The following CCDC102B variants were observed in gnomAD, a reference collection of about 807,000 sequenced individuals.
CCDC102B encodes the protein coiled-coil domain-containing protein 102B.
In CCDC102B, 75 loss-of-function variants were observed where a neutral mutation model predicts 57.4. The ratio of observed to expected loss-of-function variants is 1.31; its 90% CI spans 1.08 to 1.58. The LOEUF (loss-of-function observed/expected upper bound fraction) is 1.58, where lower values mean the gene tolerates loss of function less well. Ranked by LOEUF, CCDC102B falls within the 40% of genes most tolerant of loss-of-function variation. The pLI is 0.00. For synonymous variants in CCDC102B, 206 were observed against 201.9 expected, an observed-to-expected ratio of 1.02 and a Z score of -0.17; for missense variants, 636 against 582.6, an observed-to-expected ratio of 1.09 and a Z score of -0.94.
intron 7 of CCDC102B, among the ~76,000 whole-genome samples, chr18:69,034,234 T>C (rs1257951214): frequency 6.6e-6 from 1 of 152,026 alleles, no homozygotes; most frequent in African/African-American, 2.4e-5. Flanking sequence ...GTCCAGTTTG[T>C]TTATTTTTTC....
At chr18:68,981,395 G>A (rs1198727672) in intron 6 of CCDC102B, among the ~76,000 whole-genome samples, 1 of 151,988 alleles carries the variant, frequency 6.6e-6, no homozygotes, top group East Asian at 1.9e-4. Flanking sequence ...TGAGGCATAA[G>A]GGACAGGACG....
At chr18:69,051,255 CT>C (rs1259811057) in intron 7 of CCDC102B, among the ~76,000 whole-genome samples, 1 of 151,954 alleles carries the variant, frequency 6.6e-6, no homozygotes, top group African/African-American at 2.4e-5. Context: ...GGAAAAATAA[CT>C]TTAAAGTATT....
intron 1 of CCDC102B, among the ~76,000 whole-genome samples, chr18:68,825,588 G>T (rs2144751263): frequency 6.6e-6 from 1 of 152,166 alleles, no homozygotes; most frequent in South Asian, 2.1e-4. Context: ...TACTCATGAG[G>T]CTGAGGCAGG....
In CCDC102B at chr18:68,774,805, A is replaced by G. The variant is rs144552506; in HGVS notation, c.-66-48561A>G. 3.2e-3 allele frequency among the ~76,000 whole-genome samples: 480 copies of G among 151,778 alleles called. 2 individuals carry two copies. Among genetic ancestry groups the G allele is most frequent in the African/African-American group, 0.011 (454 of 41,504 alleles). ...AATCAAAATTTAACTTCTATTCTTT[A>G]CTCTTCATTTAATAATCCTAATAGT... is the stretch of plus-strand genomic sequence containing the variant. On this transcript the variant is annotated intron_variant, in intron 2 of 3. Coordinates refer to the CCDC102B transcript ENST00000578970.
chr18:68,968,807 A>T (rs2050225892), intron 6 of CCDC102B, among the ~76,000 whole-genome samples: 1 of 152,130 alleles, frequency 6.6e-6, no homozygotes, highest in African/African-American at 2.4e-5. Context: ...TATTCTCATG[A>T]CGGACAGATT....
At chr18:68,949,132 A>C (rs2049624121) in intron 6 of CCDC102B, among the ~76,000 whole-genome samples, 1 of 152,094 alleles carries the variant, frequency 6.6e-6, no homozygotes, top group Admixed American at 6.6e-5. Context: ...GCAGTGGATT[A>C]GATGGTGCTC....
chr18:68,752,453 G>T (rs1216690822), intron 2 of CCDC102B, among the ~76,000 whole-genome samples: 3 of 122,312 alleles, frequency 2.5e-5, no homozygotes, highest in Non-Finnish European at 3.5e-5. Context: ...AATAAATAAA[G>T]AAAAAAGAAA....
chr18:68,788,971 T>A (rs1599462217), intron 2 of CCDC102B, among the ~76,000 whole-genome samples: 1 of 152,346 alleles, frequency 6.6e-6, no homozygotes, highest in African/African-American at 2.4e-5. Flanking sequence ...CTGGTACTGG[T>A]TGTTCCTTTC....
chr18:68,754,943 C>T (rs2033993768), intron 2 of CCDC102B: 1 of 152,456 alleles, frequency 6.6e-6, no homozygotes, highest in Non-Finnish European at 1.5e-5. Flanking sequence ...ACTGACTCTG[C>T]TAATATTTGG....
rs574691001 is a variant in CCDC102B at position 69,040,987 on chromosome 18, G to C, written c.1435-13043G>C. 2.6e-5 allele frequency among the ~76,000 whole-genome samples: 4 copies of C among 152,150 alleles called. No homozygotes were observed. In the East Asian group the frequency reaches 7.8e-4, roughly 29 times the overall value. On this transcript the variant is annotated intron_variant, in intron 7 of 7. Coordinates refer to ENST00000360242, the MANE Select transcript of CCDC102B (RefSeq NM_024781.3). ...AAAAGCAAATGCCTGGAAAGTTCCT[G>C]CCATTACTGTTGCTGTCAGAAAAAG...
chr18:69,026,536 A>G (rs1407741209), intron 7 of CCDC102B, among the ~76,000 whole-genome samples: 1 of 151,818 alleles, frequency 6.6e-6, no homozygotes, highest in South Asian at 2.1e-4. Flanking sequence ...GAAGCATAAT[A>G]CGGCATTCAG....
intron 6 of CCDC102B, among the ~76,000 whole-genome samples, chr18:68,926,470 CTT>C (rs1482887050): frequency 2.0e-5 from 3 of 151,600 alleles, no homozygotes; most frequent in Non-Finnish European, 4.4e-5. Context: ...AGTATGTACT[CTT>C]ATAATTTTAT....
intron 2 of CCDC102B, among the ~76,000 whole-genome samples, chr18:68,760,261 A>G (rs1319778819): frequency 2.0e-5 from 3 of 152,104 alleles, no homozygotes; most frequent in Admixed American, 6.6e-5. Context: ...AATAAAATAC[A>G]TAAGTAAGGT....
At chr18:68,952,858 T>G (rs778408893) in intron 6 of CCDC102B, among the ~76,000 whole-genome samples, 1 of 152,194 alleles carries the variant, frequency 6.6e-6, no homozygotes, top group Non-Finnish European at 1.5e-5. Flanking sequence ...GAATTTGCAT[T>G]GTTTATGAAT....
At chr18:68,735,460 A>G (rs921204711) in intron 2 of CCDC102B, among the ~76,000 whole-genome samples, 4 of 152,162 alleles carry the variant, frequency 2.6e-5, no homozygotes, top group African/African-American at 9.7e-5. Flanking sequence ...CCTTTGTTGC[A>G]TCCATTTTTG....
intron 6 of CCDC102B, among the ~76,000 whole-genome samples, chr18:68,910,148 C>A (rs999225876): frequency 1.3e-5 from 2 of 152,118 alleles, no homozygotes; most frequent in Non-Finnish European, 2.9e-5. Flanking sequence ...TAAAAATTCA[C>A]TGGGCACAGT....
rs2033393923 is a variant in CCDC102B, at chr18:68,741,700, CACACACACACACA to C, written c.-67+25107_-67+25119del. On this transcript the variant is annotated intron_variant, in intron 2 of 3. Transcript: ENST00000578970. ...ACACACACACACACACACACACACA[CACACACACACACA>C]CCCCAAGACAATATAGAAAGGTTTA... Among the ~76,000 whole-genome samples, 7 of 117,918 alleles carry C rather than the reference CACACACACACACA, an allele frequency of 5.9e-5. No individual in the cohort carries two copies. In the Admixed American group the frequency reaches 6.0e-4, roughly 10 times the overall value. 77.4% of individuals were successfully genotyped at this position (117,918 alleles called of 152,430 possible).
rs2051675332 is a variant in CCDC102B at position 69,016,585 on chromosome 18, T to G, written c.1434+5481T>G. Among the ~76,000 whole-genome samples the G allele has an allele frequency of 2.0e-5, 3 of 152,352 alleles. No individual in the cohort carries two copies. In the South Asian group the frequency reaches 6.2e-4, roughly 32 times the overall value. On this transcript the variant is annotated intron_variant, in intron 7 of 7. Transcript: ENST00000360242. ...TGGGCTTCAAATGCCTAGGTAATCT[T>G]ACACACAATTATAGTCACTGTTGCA...
Position 68,897,216 on chromosome 18 carries a change from T to C in CCDC102B, c.1054-3T>C. 1 of 1,609,960 alleles carries C rather than the reference T, an allele frequency of 6.2e-7. No homozygotes were observed. The highest frequency in any genetic ancestry group is 8.5e-7 in the Non-Finnish European group (1 of 1,177,762). ...GCTGCTTCTTTGTGTTTTCTGTGTG[T>C]AGCTAGAGAGATTGCAAGCTGAAAA... On this transcript the variant is annotated splice_polypyrimidine_tract_variant and splice_region_variant and intron_variant, in intron 5 of 7. Coordinates refer to ENST00000360242, the MANE Select transcript of CCDC102B (RefSeq NM_024781.3).
Sources: gnomAD v4.1 joint callset for allele counts (sites outside exome capture counted in the v4.1 genomes callset) on GRCh38, gnomAD v4.1.1 for gene constraint, MANE v1.5 for transcripts, NCBI Gene and HGNC (gene_info 2026-07-23, HGNC 2026-07-21) for gene names.